CSMD1: variants seen among roughly 807,000 people sequenced by gnomAD.
CSMD1 encodes CUB and sushi domain-containing protein 1.
Under a neutral mutation model 417.5 loss-of-function variants are expected in CSMD1, and 213 were observed. That is an observed-to-expected ratio of 0.51 (90% CI 0.46 to 0.57). The LOEUF (loss-of-function observed/expected upper bound fraction) is 0.57. Among genes scored for constraint, CSMD1 ranks in the 20% least tolerant of loss-of-function variants. The pLI, the probability that CSMD1 is intolerant of heterozygous loss-of-function variation, is 0.00. For synonymous variants in CSMD1, 2,862 were observed against 1,736.8 expected (o/e 1.65, Z -16.11); for missense variants, 6,923 against 4,529.7 (o/e 1.53, Z -15.17).
intron 3 of CSMD1, among the ~76,000 whole-genome samples, chr8:4,401,835 C>T (rs967768698): frequency 1.3e-5 from 2 of 152,066 alleles, no homozygotes; most frequent in Non-Finnish European, 1.5e-5. Context: ...ATTGGCTGCT[C>T]ATCATCATTT....
chr8:3,307,172 TG>T (rs1332145151), intron 25 of CSMD1, among the ~76,000 whole-genome samples: 3 of 152,080 alleles, frequency 2.0e-5, no homozygotes. Flanking sequence ...AGACTTGCTT[TG>T]ACAAAGGGCA....
intron 12 of CSMD1, among the ~76,000 whole-genome samples, chr8:3,453,562 G>A (rs142927683): frequency 0.1 from 15,447 of 152,070 alleles, 1,404 homozygotes; most frequent in East Asian, 0.33. Context: ...CCTTCATTTC[G>A]TTATGTACCA....
chr8:4,457,978 G>A (rs1329791113), intron 2 of CSMD1, among the ~76,000 whole-genome samples: 2 of 152,140 alleles, frequency 1.3e-5, no homozygotes, highest in Non-Finnish European at 2.9e-5. Flanking sequence ...TTCTTTGGTT[G>A]GTGGCACTTC....
intron 3 of CSMD1, among the ~76,000 whole-genome samples, chr8:4,194,860 T>C (rs1799238253): frequency 6.6e-6 from 1 of 152,176 alleles, no homozygotes; most frequent in Non-Finnish European, 1.5e-5. Context: ...CACTGTATTA[T>C]ACCCATTTTC....
At chr8:3,235,870 A>T (rs1017669417) in intron 26 of CSMD1, among the ~76,000 whole-genome samples, 9 of 151,462 alleles carry the variant, frequency 5.9e-5, no homozygotes, top group Non-Finnish European at 1.3e-4. Flanking sequence ...GAAATACTGC[A>T]TCTACATAAT....
intron 3 of CSMD1, among the ~76,000 whole-genome samples, chr8:4,252,836 G>C (rs1803174050): frequency 6.6e-6 from 1 of 152,204 alleles, no homozygotes; most frequent in Non-Finnish European, 1.5e-5. Flanking sequence ...GTGATGACTG[G>C]AGTTGCAGCA....
chr8:3,140,270 G>A lies in CSMD1; in HGVS notation c.6241+2195C>T, dbSNP rs138226663. ...AAAAGAGAGAGAGCAGAGAATAGAT[G>A]CACAGGCAAGCAGATCTGTATCCAT... On this transcript the variant is annotated intron_variant, in intron 41 of 69. Transcript: ENST00000635120. Among the ~76,000 whole-genome samples, 863 of 152,206 alleles carry A rather than the reference G, an allele frequency of 5.7e-3. 3 individuals carry two copies. The highest frequency in any genetic ancestry group is 9.8e-3 in the Non-Finnish European group (666 of 68,010).
At chr8:3,547,894 C>T (rs1293211906) in intron 10 of CSMD1, among the ~76,000 whole-genome samples, 1 of 152,090 alleles carries the variant, frequency 6.6e-6, no homozygotes. Flanking sequence ...ATAAGAAGTA[C>T]TCCTAAAATT....
intron 5 of CSMD1, among the ~76,000 whole-genome samples, chr8:3,971,887 T>G (rs1813115181): frequency 6.6e-6 from 1 of 152,190 alleles, no homozygotes; most frequent in South Asian, 2.1e-4. Flanking sequence ...TTTGTTGATT[T>G]TTTTGTTGAC....
intron 4 of CSMD1, among the ~76,000 whole-genome samples, chr8:4,028,306 C>T (rs1275723814): frequency 2.0e-5 from 3 of 152,044 alleles, no homozygotes; most frequent in Non-Finnish European, 2.9e-5. Context: ...TCCAGATTCC[C>T]CACCTATAAT....
At chr8:4,260,058 G>A (rs1051191233) in intron 3 of CSMD1, among the ~76,000 whole-genome samples, 1 of 151,542 alleles carries the variant, frequency 6.6e-6, no homozygotes, top group Admixed American at 6.6e-5. Context: ...TGAAAGGGAA[G>A]TGTTGTCTTA....
chr8:4,240,601 T>C (rs1802341028), intron 3 of CSMD1, among the ~76,000 whole-genome samples: 1 of 152,194 alleles, frequency 6.6e-6, no homozygotes, highest in Non-Finnish European at 1.5e-5. Context: ...TGAACTCCTT[T>C]CACACTGAGG....
intron 3 of CSMD1, among the ~76,000 whole-genome samples, chr8:4,280,733 G>T: frequency 6.6e-6 from 1 of 152,182 alleles, no homozygotes; most frequent in East Asian, 1.9e-4. Flanking sequence ...AAATATAATT[G>T]TACTTTCCTA....
At chr8:4,597,277 A>T (rs1423450025) in intron 2 of CSMD1, among the ~76,000 whole-genome samples, 2 of 152,192 alleles carry the variant, frequency 1.3e-5, no homozygotes, top group Non-Finnish European at 2.9e-5. Context: ...CTAATTTGAG[A>T]AATAGATATC....
At position 3,408,058 on chromosome 8, in the gene CSMD1, G is replaced by A; in HGVS notation, c.1912C>T (p.Leu638Phe). The change falls in exon 14 of 70, where the codon CTC (leucine) becomes TTC (phenylalanine). Residue 638 changes from leucine to phenylalanine, a missense_variant. Coordinates refer to ENST00000635120, the MANE Select transcript of CSMD1 (RefSeq NM_033225.6). ...DFDVEPQFDF[L>F]AVKDDGISDI... ...GAAATGCCATCATCCTTGACCGCGA[G>A]AAAGTCAAACTGAGGCTCAACATCA... 6.2e-7 allele frequency: 1 copy of A among 1,613,874 alleles called. No homozygotes were observed.
chr8:4,441,393 A>G (rs2129691337), intron 2 of CSMD1, among the ~76,000 whole-genome samples: 1 of 151,332 alleles, frequency 6.6e-6, no homozygotes, highest in East Asian at 2.0e-4. Flanking sequence ...AATCACAGGC[A>G]TGAGCCAACT....
At chr8:4,363,445 G>T (rs962277120) in intron 3 of CSMD1, among the ~76,000 whole-genome samples, 4 of 152,088 alleles carry the variant, frequency 2.6e-5, no homozygotes, top group Non-Finnish European at 4.4e-5. Flanking sequence ...CCTCATTTAG[G>T]GTCTTTCCAG....
intron 1 of CSMD1, among the ~76,000 whole-genome samples, chr8:4,823,526 T>C (rs1799637929): frequency 6.6e-6 from 1 of 152,108 alleles, no homozygotes. Context: ...ACCTCATCTA[T>C]ACTGAAGGCT....
At chr8:4,922,113 G>C (rs138489220) in intron 1 of CSMD1, among the ~76,000 whole-genome samples, 1 of 152,098 alleles carries the variant, frequency 6.6e-6, no homozygotes. Context: ...AGTCACTCTG[G>C]TGAGATTACC....
Sources: allele counts gnomAD v4.1 joint callset (sites outside exome capture counted in the v4.1 genomes callset), GRCh38; gene constraint gnomAD v4.1.1; transcripts MANE v1.5; gene names NCBI Gene and HGNC (gene_info 2026-07-23, HGNC 2026-07-21).